The following SENP5 variants were observed in gnomAD, a reference collection of about 807,000 sequenced individuals.
The protein encoded by SENP5 is SUMO specific peptidase 5, also known as sentrin-specific protease 5.
A neutral mutation model predicts 74.2 loss-of-function variants in SENP5; 21 were observed. The ratio of observed to expected loss-of-function variants is 0.28; its 90% CI spans 0.20 to 0.41. SENP5 has a LOEUF of 0.41. SENP5 is among the 10% of genes least tolerant of loss of function. The pLI, the probability that SENP5 is intolerant of heterozygous loss-of-function variation, is 1.00. For synonymous variants in SENP5, 311 were observed against 312.7 expected (o/e 0.99, Z 0.06); for missense variants, 717 against 889.1 (o/e 0.81, Z 2.46).
chr3:196,929,145 A>T (rs1715925973), intron 8 of SENP5: 1 of 154,010 alleles, frequency 6.5e-6, no homozygotes, highest in Admixed American at 6.5e-5. Flanking sequence ...ACAGAGTGAG[A>T]CCCTGTCGCG....
intron 1 of SENP5, among the ~76,000 whole-genome samples, chr3:196,884,203 G>A (rs558720560): frequency 6.6e-6 from 1 of 152,304 alleles, no homozygotes; most frequent in African/African-American, 2.4e-5. Context: ...ATCTCAAGAG[G>A]GAAGCCACGC....
chr3:196,930,440 A>G (rs963837897), intron 9 of SENP5, among the ~76,000 whole-genome samples: 4 of 152,164 alleles, frequency 2.6e-5, no homozygotes, highest in African/African-American at 9.7e-5. Context: ...AAAACAGTGT[A>G]TTTTTACAGT....
chr3:196,911,616 T>C (rs1276452130), intron 6 of SENP5, among the ~76,000 whole-genome samples: 1 of 150,310 alleles, frequency 6.7e-6, no homozygotes, highest in African/African-American at 2.4e-5. Flanking sequence ...ACCTCATCAG[T>C]TGGGCGCGGT....
chr3:196,930,749 C>G, intron 9 of SENP5, 64 bp from the exon 10 acceptor site: 1 of 1,040,508 alleles, frequency 9.6e-7, no homozygotes, highest in Non-Finnish European at 1.5e-6. Context: ...TTTAGTAAAA[C>G]AGAATGGGCT....
At chr3:196,919,856 C>T (rs1715538779) in intron 6 of SENP5, among the ~76,000 whole-genome samples, 1 of 149,528 alleles carries the variant, frequency 6.7e-6, no homozygotes, top group African/African-American at 2.5e-5. Flanking sequence ...TTTCCAATTT[C>T]ATTGCTTTGG....
intron 2 of SENP5, among the ~76,000 whole-genome samples, chr3:196,893,570 A>G (rs1439409366): frequency 6.6e-6 from 1 of 152,150 alleles, no homozygotes. Flanking sequence ...TTCAGGCAAA[A>G]GAGAACTGTC....
chr3:196,926,206 G>A (rs1479575696), intron 7 of SENP5, among the ~76,000 whole-genome samples: 2 of 152,126 alleles, frequency 1.3e-5, no homozygotes, highest in Non-Finnish European at 2.9e-5. Context: ...TATACTGGCC[G>A]GGCAGGGTGG....
intron 6 of SENP5, among the ~76,000 whole-genome samples, chr3:196,917,672 A>G (rs1212957575): frequency 6.6e-6 from 1 of 152,248 alleles, no homozygotes; most frequent in Non-Finnish European, 1.5e-5. Flanking sequence ...CAAGTGCTGA[A>G]GGAAAAAAAC....
chr3:196,868,882 G>GTTTTTTTTTTGTTTT (rs772189548), intron 1 of SENP5, among the ~76,000 whole-genome samples: 33 of 149,014 alleles, frequency 2.2e-4, no homozygotes, highest in Middle Eastern at 3.5e-3. Context: ...TCCTACTTAT[G>GTTTTTTTTTTGTTTT]TTTTTTTTTT....
At chr3:196,886,722 A>G (rs371909222) in intron 2 of SENP5, 28 bp downstream of exon 2, 4 of 1,490,716 alleles carry the variant, frequency 2.7e-6, no homozygotes, top group Non-Finnish European at 3.6e-6. Context: ...ATTCTCCCTC[A>G]AACTCCAAGC....
intron 2 of SENP5, among the ~76,000 whole-genome samples, chr3:196,896,241 T>C (rs530208128): frequency 1.3e-5 from 2 of 152,324 alleles, no homozygotes; most frequent in African/African-American, 2.4e-5. Flanking sequence ...CCCACAGATA[T>C]TAAAAAGGAA....
intron 1 of SENP5, among the ~76,000 whole-genome samples, chr3:196,884,780 C>T (rs1713880948): frequency 6.7e-6 from 1 of 150,192 alleles, no homozygotes; most frequent in Admixed American, 6.7e-5. Context: ...TCAAGCAATT[C>T]TCCTGCCTCA....
intron 2 of SENP5, among the ~76,000 whole-genome samples, chr3:196,896,126 A>G (rs1256832274): frequency 6.6e-6 from 1 of 152,168 alleles, no homozygotes; most frequent in African/African-American, 2.4e-5. Flanking sequence ...GTATATACCA[A>G]GTGCATTTTT....
At chr3:196,904,392 A>T (rs771490060) in intron 6 of SENP5, among the ~76,000 whole-genome samples, 4 of 152,212 alleles carry the variant, frequency 2.6e-5, no homozygotes, top group Non-Finnish European at 5.9e-5. Context: ...GGTATATTGG[A>T]GTATTACACA....
intron 6 of SENP5, among the ~76,000 whole-genome samples, chr3:196,919,521 C>T (rs558038517): frequency 1.3e-5 from 2 of 152,078 alleles, no homozygotes; most frequent in African/African-American, 4.8e-5. Context: ...CAACCAGGGG[C>T]GGTGGCTCAC....
At chr3:196,895,616 G>A (rs1304349609) in intron 2 of SENP5, among the ~76,000 whole-genome samples, 1 of 150,686 alleles carries the variant, frequency 6.6e-6, no homozygotes, top group East Asian at 2.0e-4. Flanking sequence ...TTGCCTCCCA[G>A]GCTCAACCCA....
chr3:196,886,437 A>G lies in SENP5; in HGVS notation c.1256A>G (p.Asp419Gly), dbSNP rs372253723. ...DRVKLSVSGADTSVSSVDGPV... is the reference protein window; with the variant it reads ...DRVKLSVSGAGTSVSSVDGPV... ...GTAAAACTGTCAGTGTCTGGAGCAG[A>G]TACATCTGTGAGTAGCGTAGATGGG... The change falls in exon 2 of 10, where the codon GAT (aspartate) becomes GGT (glycine). Residue 419 changes from aspartate (D) to glycine (G), a missense_variant. Asp to Gly is a moderately conservative substitution (Grantham distance 94). Around this residue, in one of 4 missense-constraint regions of SENP5, gnomAD observed 567 missense variants for 577.4 expected, o/e 0.98. Coordinates refer to ENST00000323460, the MANE Select transcript of SENP5 (RefSeq NM_152699.5). The G allele has an allele frequency of 2.5e-6, 4 of 1,610,742 alleles. No individual in the cohort carries two copies. Among genetic ancestry groups the G allele is most frequent in the African/African-American group, 2.7e-5 (2 of 74,880 alleles).
intron 6 of SENP5, among the ~76,000 whole-genome samples, chr3:196,910,692 T>A (rs1242204420): frequency 6.6e-6 from 1 of 152,024 alleles, no homozygotes; most frequent in Non-Finnish European, 1.5e-5. Context: ...CAAACTACCA[T>A]TGGCATTCTT....
At chr3:196,898,200 G>GAA (rs1714532658) in intron 2 of SENP5, among the ~76,000 whole-genome samples, 1 of 103,154 alleles carries the variant, frequency 9.7e-6, no homozygotes, top group Non-Finnish European at 2.2e-5. Flanking sequence ...AAAAAGAAAA[G>GAA]AAAGAACGTC....
Sources: allele counts gnomAD v4.1 joint callset (sites outside exome capture counted in the v4.1 genomes callset), GRCh38; gene constraint gnomAD v4.1.1; regional missense constraint gnomAD v4.1.1; transcripts MANE v1.5; gene names NCBI Gene and HGNC (gene_info 2026-07-23, HGNC 2026-07-21).